ADARB2: variants seen among roughly 807,000 people sequenced by gnomAD.
The protein encoded by ADARB2 is adenosine deaminase RNA specific B2 (inactive).
Under a neutral mutation model 62.2 loss-of-function variants are expected in ADARB2, and 25 were observed. That is an observed-to-expected ratio of 0.40 (90% CI 0.29 to 0.56). The LOEUF (loss-of-function observed/expected upper bound fraction) is 0.56. ADARB2 is among the 20% of genes least tolerant of loss of function. The probability of loss-of-function intolerance (pLI) is 0.43; values close to 1 mark genes in which losing one functional copy is unlikely to be tolerated. For missense variants in ADARB2, 1,071 were observed against 1,077.4 expected, an observed-to-expected ratio of 0.99 and a Z score of 0.08; for synonymous variants, 572 against 500.8, an observed-to-expected ratio of 1.14 and a Z score of -1.90.
chr10:1,331,693 T>C (rs1831929427), intron 3 of ADARB2, among the ~76,000 whole-genome samples: 1 of 152,232 alleles, frequency 6.6e-6, no homozygotes, highest in African/African-American at 2.4e-5. Flanking sequence ...GTAAAGACCT[T>C]TGAATTGTAC....
chr10:1,403,490 G>A (rs537376489), intron 1 of ADARB2, among the ~76,000 whole-genome samples: 1 of 152,180 alleles, frequency 6.6e-6, no homozygotes, highest in Non-Finnish European at 1.5e-5. Flanking sequence ...TTTTGTCAGT[G>A]AGAGCCATTC....
intron 1 of ADARB2, among the ~76,000 whole-genome samples, chr10:1,514,638 G>A (rs957174111): frequency 1.3e-5 from 2 of 151,892 alleles, no homozygotes; most frequent in African/African-American, 4.8e-5. Context: ...TGTGGCTGCC[G>A]AGACAGAGGA....
At chr10:1,519,328 C>T (rs898468951) in intron 1 of ADARB2, among the ~76,000 whole-genome samples, 13 of 152,110 alleles carry the variant, frequency 8.5e-5, no homozygotes, top group Middle Eastern at 3.2e-3. Context: ...GCATGTATTC[C>T]GTGTAACATC....
intron 2 of ADARB2, among the ~76,000 whole-genome samples, chr10:1,372,495 A>G (rs962139511): frequency 4.6e-5 from 7 of 152,188 alleles, no homozygotes; most frequent in East Asian, 1.9e-4. Context: ...TTTTGAAATG[A>G]CCTATCAAAT....
intron 1 of ADARB2, among the ~76,000 whole-genome samples, chr10:1,452,954 G>A (rs1035944301): frequency 2.5e-4 from 38 of 152,262 alleles, no homozygotes; most frequent in African/African-American, 7.0e-4. Context: ...CTGGTGGGCC[G>A]CGCAGAGCCT....
intron 1 of ADARB2, among the ~76,000 whole-genome samples, chr10:1,581,590 T>G (rs531199868): frequency 1.3e-5 from 2 of 152,290 alleles, no homozygotes; most frequent in South Asian, 2.1e-4. Context: ...AGGTCTAGAG[T>G]ATCTGATACT....
At chr10:1,636,000 C>T (rs533968030) in intron 1 of ADARB2, among the ~76,000 whole-genome samples, 22 of 152,270 alleles carry the variant, frequency 1.4e-4, no homozygotes, top group African/African-American at 4.8e-4. Flanking sequence ...CCAGCCGTGA[C>T]GAAGTCCACA....
intron 8 of ADARB2, among the ~76,000 whole-genome samples, 200 bp from the exon 9 acceptor site, chr10:1,185,239 C>T (rs748002128): frequency 2.6e-5 from 4 of 152,244 alleles, no homozygotes; most frequent in Non-Finnish European, 5.9e-5. Flanking sequence ...GCCTCGGGTC[C>T]ACGGCGTCGC....
intron 4 of ADARB2, among the ~76,000 whole-genome samples, chr10:1,267,653 A>G (rs925176869): frequency 6.6e-6 from 1 of 152,060 alleles, no homozygotes. Flanking sequence ...AGAAAAAAAC[A>G]CGCACAATAT....
At chr10:1,220,277 T>TG (rs1210180634) in intron 6 of ADARB2, among the ~76,000 whole-genome samples, 1 of 133,994 alleles carries the variant, frequency 7.5e-6, no homozygotes. Context: ...GTGATGATGG[T>TG]AATGGTGATG....
At chr10:1,348,993 T>A (rs1334859365) in intron 3 of ADARB2, among the ~76,000 whole-genome samples, 3 of 151,982 alleles carry the variant, frequency 2.0e-5, no homozygotes, top group Non-Finnish European at 4.4e-5. Context: ...GCTCAGGGGA[T>A]GGGACTATGG....
At chr10:1,409,159 G>C (rs1832732777) in intron 1 of ADARB2, among the ~76,000 whole-genome samples, 1 of 150,106 alleles carries the variant, frequency 6.7e-6, no homozygotes. Flanking sequence ...CCCGCATCCA[G>C]CCCGGGGCAG....
chr10:1,430,149 T>C (rs1308817481), intron 1 of ADARB2, among the ~76,000 whole-genome samples: 1 of 152,192 alleles, frequency 6.6e-6, no homozygotes, highest in Non-Finnish European at 1.5e-5. Context: ...TATGCTTTAC[T>C]CGAAGTGGCA....
At chr10:1,479,630 T>G (rs997293764) in intron 1 of ADARB2, among the ~76,000 whole-genome samples, 3 of 152,120 alleles carry the variant, frequency 2.0e-5, no homozygotes, top group Admixed American at 1.3e-4. Flanking sequence ...GGCAGAGCCC[T>G]ATAGGGAGGG....
chr10:1,319,515 A>G (rs1217128422), intron 3 of ADARB2, among the ~76,000 whole-genome samples: 1 of 152,250 alleles, frequency 6.6e-6, no homozygotes, highest in Non-Finnish European at 1.5e-5. Context: ...ACATATTCAG[A>G]TAATAGCTAT....
In ADARB2 at chr10:1,364,893, G is replaced by A. The variant is rs563183692; in HGVS notation, c.188-976C>T. ...GTAATTTTTTTTTTTTTTTTTTTGC[G>A]ACGGAATCTCACTCTGTTGCCCAGG... On this transcript the variant is annotated intron_variant, in intron 2 of 9. Transcript: ENST00000381312. Among the ~76,000 whole-genome samples, 447 of 130,654 alleles carry A rather than the reference G, an allele frequency of 3.4e-3. 3 individuals are homozygous for A. Among genetic ancestry groups the A allele is most frequent in the African/African-American group, 0.012 (404 of 34,560 alleles). The allele number at this position is 130,654 out of a possible 152,430, so 85.7% of individuals were successfully genotyped here.
chr10:1,228,193 T>C lies in ADARB2; in HGVS notation c.1513+5501A>G, dbSNP rs1420346235. Among the ~76,000 whole-genome samples, 3 of 152,222 alleles carry C rather than the reference T, an allele frequency of 2.0e-5. No homozygotes were observed. The South Asian group carries it at 6.2e-4, about 32-fold the overall frequency. ...CATAGCATGTACTTGTAGGTAAATA[T>C]ATGACATCATCTATTTTTCTTGGCA... On this transcript the variant is annotated intron_variant, in intron 6 of 9. Coordinates refer to ENST00000381312, the MANE Select transcript of ADARB2 (RefSeq NM_018702.4).
chr10:1,475,378 G>C (rs1166813086), intron 1 of ADARB2, among the ~76,000 whole-genome samples: 2 of 152,172 alleles, frequency 1.3e-5, no homozygotes, highest in South Asian at 4.1e-4. Flanking sequence ...TGCTGTGACG[G>C]GAAGGCAGGG....
At chr10:1,259,926 G>C (rs1204181346) in intron 4 of ADARB2, among the ~76,000 whole-genome samples, 1 of 152,198 alleles carries the variant, frequency 6.6e-6, no homozygotes, top group Non-Finnish European at 1.5e-5. Context: ...ACCGAATCCA[G>C]CAACACATCA....
Sources: allele counts gnomAD v4.1 joint callset (sites outside exome capture counted in the v4.1 genomes callset), GRCh38; gene constraint gnomAD v4.1.1; transcripts MANE v1.5; gene names NCBI Gene and HGNC (gene_info 2026-07-23, HGNC 2026-07-21).